IL22RA1: variants seen among roughly 807,000 people sequenced by gnomAD.
IL22RA1 encodes the protein interleukin 22 receptor subunit alpha 1, also known as interleukin-22 receptor subunit alpha-1.
Under a neutral mutation model 32.8 loss-of-function variants are expected in IL22RA1, and 25 were observed. The observed-to-expected ratio is 0.76, with a 90% CI of 0.55 to 1.06. The LOEUF (loss-of-function observed/expected upper bound fraction) is 1.06, where lower values mean the gene tolerates loss of function less well. Among genes scored for constraint, IL22RA1 ranks in the 50% least tolerant of loss-of-function variants. The probability of loss-of-function intolerance (pLI) is 0.00; values close to 1 mark genes in which losing one functional copy is unlikely to be tolerated. For synonymous variants in IL22RA1, 305 were observed against 305.0 expected, an observed-to-expected ratio of 1.00 and a Z score of 0.00; for missense variants, 709 against 727.4, an observed-to-expected ratio of 0.97 and a Z score of 0.29.
intron 4 of IL22RA1, among the ~76,000 whole-genome samples, chr1:24,132,311 G>T (rs1644210729): frequency 6.6e-6 from 1 of 151,714 alleles, no homozygotes; most frequent in South Asian, 2.1e-4. Flanking sequence ...TGTTTGTTTG[G>T]GACCATGGTT....
At position 24,138,590 on chromosome 1, in the gene IL22RA1, C is replaced by T. The variant is rs754807040; in HGVS notation, c.168G>A (p.Glu56=). ...TCAAGAGAGAAGCCTACGTCTTATA[C>T]TCGATGCTGTAGACCGTGTCTGGGG... ...EGTPDTVYSI[E]YKTYGERDWV... is the part of the protein sequence containing the mutation. The change falls in exon 2 of 7, where the codon GAG becomes GAA. Residue 56 remains glutamate, a synonymous_variant. Coordinates refer to ENST00000270800, the MANE Select transcript of IL22RA1 (RefSeq NM_021258.4). 7.4e-6 allele frequency: 12 copies of T among 1,614,000 alleles called. No homozygotes were observed. Among genetic ancestry groups the T allele is most frequent in the Non-Finnish European group, 1.0e-5 (12 of 1,180,016 alleles).
chr1:24,127,011 A>G (rs1644165866), intron 5 of IL22RA1, among the ~76,000 whole-genome samples: 1 of 147,260 alleles, frequency 6.8e-6, no homozygotes, highest in African/African-American at 2.5e-5. Flanking sequence ...TCTCTACTAA[A>G]AATACAAAAA....
At chr1:24,139,344 A>G (rs61775473) in intron 1 of IL22RA1, among the ~76,000 whole-genome samples, 6,698 of 152,220 alleles carry the variant, frequency 0.044, 169 homozygotes, top group Middle Eastern at 0.092. Context: ...ACTCATCAGG[A>G]CATTTGGGTT....
At chr1:24,137,791 A>G (rs1436329808) in intron 2 of IL22RA1, among the ~76,000 whole-genome samples, 2 of 152,144 alleles carry the variant, frequency 1.3e-5, no homozygotes, top group Non-Finnish European at 2.9e-5. Context: ...TGCTGAGATT[A>G]TAGGTGTGAG....
chr1:24,133,738 T>G (rs912276219), intron 4 of IL22RA1, among the ~76,000 whole-genome samples: 2 of 152,058 alleles, frequency 1.3e-5, no homozygotes, highest in African/African-American at 4.8e-5. Context: ...AATGTAAATA[T>G]TATGCAAAAA....
At chr1:24,131,039 C>T (rs1270303125) in intron 4 of IL22RA1, among the ~76,000 whole-genome samples, 1 of 152,084 alleles carries the variant, frequency 6.6e-6, no homozygotes, top group Non-Finnish European at 1.5e-5. Context: ...TAACAATGCT[C>T]CAGGAAGTGA....
chr1:24,135,992 T>C (rs1361097901), intron 3 of IL22RA1, among the ~76,000 whole-genome samples: 2 of 152,190 alleles, frequency 1.3e-5, no homozygotes, highest in African/African-American at 4.8e-5. Context: ...TCTCACTGTG[T>C]CACCTAAGTT....
chr1:24,129,547 C>T (rs1229869545), intron 4 of IL22RA1, among the ~76,000 whole-genome samples: 3 of 152,200 alleles, frequency 2.0e-5, no homozygotes, highest in Non-Finnish European at 4.4e-5. Flanking sequence ...ACCTTGAAGC[C>T]ATTTTGGACA....
In IL22RA1 at chr1:24,121,703, C is replaced by T. The variant is rs145930448; in HGVS notation, c.827G>A (p.Arg276His). ...VQRVLTFQPL[R>H]FIQEHVLIPV... ...GATCAGGACGTGCTCCTGGATGAAGCGCAGCGGCTGGAAAGTCAGGACTCG... is the reference window on the plus strand; with the variant it reads ...GATCAGGACGTGCTCCTGGATGAAGTGCAGCGGCTGGAAAGTCAGGACTCG... The change falls in exon 7 of 7, where the codon CGC (arginine) becomes CAC (histidine). Residue 276 changes from arginine to histidine, a missense_variant. Transcript: ENST00000270800. 1.0e-4 allele frequency: 161 copies of T among 1,563,660 alleles called. 1 individual carries two copies. The highest frequency in any genetic ancestry group is 7.3e-4 in the Admixed American group (39 of 53,518).
Position 24,121,022 on chromosome 1 carries a change from T to C in IL22RA1, c.1508A>G (p.Gln503Arg). The change falls in exon 7 of 7, where the codon CAG becomes CGG. Residue 503 changes from glutamine (Q) to arginine (R), a missense_variant. By Grantham distance (43) the Gln-to-Arg change is conservative (BLOSUM62 1). Transcript: ENST00000270800. The part of the protein sequence containing the change: ...KGQLPLLSSV[Q>R]IEGHPMSLPL... ...GAGGGACATGGGGTGGCCCTCGATC[T>C]GGACTGAGGAGAGGAGGGGGAGCTG... is the stretch of plus-strand genomic sequence containing the variant. The C allele has an allele frequency of 6.2e-7, 1 of 1,614,144 alleles. No individual in the cohort carries two copies. The highest frequency in any genetic ancestry group is 2.2e-5 in the East Asian group (1 of 44,882).
At chr1:24,136,684 C>T (rs960893094) in intron 3 of IL22RA1, among the ~76,000 whole-genome samples, 3 of 152,154 alleles carry the variant, frequency 2.0e-5, no homozygotes, top group Admixed American at 6.5e-5. Flanking sequence ...GGCAGGGCCT[C>T]GTGGGCCGTG....
Position 24,120,976 on chromosome 1 carries a change from A to G in IL22RA1, c.1554T>C (p.Arg518=), listed in dbSNP as rs527884400. 24 of 1,614,074 alleles carry G rather than the reference A, an allele frequency of 1.5e-5. No individual in the cohort carries two copies. The South Asian group carries it at 2.5e-4, about 17-fold the overall frequency. The change falls in exon 7 of 7, where the codon CGT becomes CGC. Residue 518 remains arginine, a synonymous_variant. Coordinates refer to ENST00000270800, the MANE Select transcript of IL22RA1 (RefSeq NM_021258.4). ...PMSLPLQPPS[R]PCSPSDQGPS... ...GACCTTGGTCCGAGGGGGAACATGGACGGGAAGGAGGTTGCAAAGGGAGGG... is the reference window on the plus strand; with the variant it reads ...GACCTTGGTCCGAGGGGGAACATGGGCGGGAAGGAGGTTGCAAAGGGAGGG...
At chr1:24,127,016 C>CAAAAAAA (rs59069321) in intron 5 of IL22RA1, among the ~76,000 whole-genome samples, 1 of 72,798 alleles carries the variant, frequency 1.4e-5, no homozygotes. Context: ...ACTAAAAATA[C>CAAAAAAA]AAAAAAAAAA....
chr1:24,141,168 T>C (rs1644278914), intron 1 of IL22RA1, among the ~76,000 whole-genome samples: 2 of 152,238 alleles, frequency 1.3e-5, no homozygotes, highest in Non-Finnish European at 2.9e-5. Flanking sequence ...AGGGGTCTAC[T>C]GCCTCTACGC....
Position 24,121,040 on chromosome 1 carries a change from G to C in IL22RA1, c.1490C>G (p.Pro497Arg), listed in dbSNP as rs756801670. Residue 497 changes from proline (P) to arginine (R), a missense_variant, in exon 7 of 7, where the codon CCC (proline) becomes CGC (arginine). By Grantham distance (103) the Pro-to-Arg change is moderately radical (BLOSUM62 -2). Transcript: ENST00000270800. Reference protein sequence around the residue: ...GTPQYLKGQLPLLSSVQIEGH... With the variant: ...GTPQYLKGQLRLLSSVQIEGH... ...CTCGATCTGGACTGAGGAGAGGAGG[G>C]GGAGCTGGCCCTTTAGGTACTGTGG... The C allele has an allele frequency of 2.5e-6, 4 of 1,614,052 alleles. No homozygotes were observed. In the African/African-American group the frequency reaches 5.3e-5, roughly 22 times the overall value.
At position 24,134,267 on chromosome 1, in the gene IL22RA1, T is replaced by C. The variant is rs1472737139; in HGVS notation, c.475A>G (p.Ile159Val). Residue 159 changes from isoleucine to valine, a missense_variant, in exon 4 of 7, where the codon ATC becomes GTC. Transcript: ENST00000270800. ...GDGHRLTLED[I>V]FHDLFYHLEL... ...AAGTGGTAGAACAGGTCATGGAAGATGTCTTCCAGGGTTAGCCGGTGGCCA... is the reference window on the plus strand; with the variant it reads ...AAGTGGTAGAACAGGTCATGGAAGACGTCTTCCAGGGTTAGCCGGTGGCCA... 14 of 1,611,630 alleles carry C rather than the reference T, an allele frequency of 8.7e-6. No homozygotes were observed. Among genetic ancestry groups the C allele is most frequent in the Non-Finnish European group, 1.2e-5 (14 of 1,178,824 alleles).
chr1:24,135,471 G>C (rs537731807), intron 3 of IL22RA1, among the ~76,000 whole-genome samples: 78 of 152,210 alleles, frequency 5.1e-4, no homozygotes, highest in African/African-American at 1.7e-3. Flanking sequence ...TTCTTAAAAA[G>C]CTATGTGTGA....
intron 1 of IL22RA1, among the ~76,000 whole-genome samples, chr1:24,140,402 G>A (rs566282996): frequency 6.6e-6 from 1 of 152,326 alleles, no homozygotes; most frequent in South Asian, 2.1e-4. Context: ...TCTGTAGGGA[G>A]GGGGCTATCT....
At chr1:24,130,369 C>T (rs1644196261) in intron 4 of IL22RA1, among the ~76,000 whole-genome samples, 1 of 151,900 alleles carries the variant, frequency 6.6e-6, no homozygotes, top group Admixed American at 6.6e-5. Context: ...AGAAGGAGGC[C>T]CAAACTCTGT....
Sources: gnomAD v4.1 joint callset for allele counts (sites outside exome capture counted in the v4.1 genomes callset) on GRCh38, gnomAD v4.1.1 for gene constraint, MANE v1.5 for transcripts, NCBI Gene and HGNC (gene_info 2026-07-23, HGNC 2026-07-21) for gene names.